Variants in SH2B2 observed in about 807,000 individuals in gnomAD.
The protein encoded by SH2B2 is SH2B adapter protein 2.
Under a neutral mutation model 35.7 loss-of-function variants are expected in SH2B2, and 37 were observed. The ratio of observed to expected loss-of-function variants is 1.04; its 90% confidence interval spans 0.80 to 1.36. The LOEUF (loss-of-function observed/expected upper bound fraction) is 1.36. SH2B2 is among the 40% of genes most tolerant of loss of function. The pLI is 0.00. For missense variants in SH2B2, 852 were observed against 817.7 expected (o/e 1.04, Z -0.51); for synonymous variants, 383 against 376.4 (o/e 1.02, Z -0.20).
intron 5 of SH2B2, 38 bp downstream of exon 5, chr7:102,314,465 A>G (rs1049480021): frequency 1.1e-4 from 43 of 398,736 alleles, no homozygotes; most frequent in Non-Finnish European, 1.8e-4. Flanking sequence ...GGGCACACTC[A>G]GGGTGGACAG....
intron 2 of SH2B2, among the ~76,000 whole-genome samples, chr7:102,304,199 C>T (rs183258143): frequency 6.6e-6 from 1 of 152,310 alleles, no homozygotes; most frequent in East Asian, 1.9e-4. Flanking sequence ...ACCCTTGGAG[C>T]AGTCAGGAGC....
rs1395131754 is a variant in SH2B2 at position 102,297,210 on chromosome 7, A to G, written c.-29-3312A>G. Among the ~76,000 whole-genome samples, 1 of 151,846 alleles carries G rather than the reference A, an allele frequency of 6.6e-6. No individual in the cohort carries two copies. Among genetic ancestry groups the G allele is most frequent in the East Asian group, 1.9e-4 (1 of 5,180 alleles). The stretch of plus-strand genomic sequence containing the variant: ...TTATCCCTTTGTCTGGCATATCCGC[A>G]CTCTGGATACGACCCGCTCGCCACT... On this transcript the variant is annotated intron_variant, in intron 1 of 8. Transcript: ENST00000444095. This position sits in a 1 kb window ranked among gnomAD's most constrained non-coding sequence, Gnocchi z 4.3.
Position 102,308,853 on chromosome 7 carries a change from C to G in SH2B2, c.870C>G (p.Asp290Glu). The change falls in exon 4 of 9, where the codon GAC (aspartate) becomes GAG (glutamate). Residue 290 changes from aspartate to glutamate, a missense_variant. Around this residue, in one of 3 missense-constraint regions of SH2B2, gnomAD observed 556 missense variants for 514.5 expected, o/e 1.08. Transcript: ENST00000444095. ...NGAEYILETI[D>E]SLQKHSWVAD... The stretch of plus-strand genomic sequence containing the variant: ...CCGAATACATCTTGGAGACCATCGA[C>G]TCTCTGCAGAAGCACTCGTGGGTAG... 6.2e-7 allele frequency: 1 copy of G among 1,613,746 alleles called. No homozygotes were observed. Among genetic ancestry groups the G allele is most frequent in the Non-Finnish European group, 8.5e-7 (1 of 1,179,876 alleles).
chr7:102,293,684 CT>C (rs1792789814), intron 1 of SH2B2, among the ~76,000 whole-genome samples: 1 of 151,834 alleles, frequency 6.6e-6, no homozygotes, highest in Non-Finnish European at 1.5e-5. Context: ...AGGCAACCCC[CT>C]ACCTGTCCCT....
intron 3 of SH2B2, among the ~76,000 whole-genome samples, chr7:102,308,502 C>T (rs953879742): frequency 2.0e-5 from 3 of 152,184 alleles, no homozygotes; most frequent in Non-Finnish European, 2.9e-5. Flanking sequence ...GCTGGGCCAC[C>T]CATCCCTCCC....
At chr7:102,301,895 A>G (rs782145582) in intron 2 of SH2B2, among the ~76,000 whole-genome samples, 2 of 151,334 alleles carry the variant, frequency 1.3e-5, no homozygotes, top group Non-Finnish European at 2.9e-5. Context: ...GTTTTGAGAC[A>G]GGGGCCGTCA....
chr7:102,287,979 G>C (rs781922330), intron 1 of SH2B2, among the ~76,000 whole-genome samples: 2 of 152,178 alleles, frequency 1.3e-5, no homozygotes, highest in African/African-American at 2.4e-5. Flanking sequence ...AGGCTAGGCT[G>C]TCAGACCTGG....
chr7:102,316,802 T>G (rs1258106140), intron 6 of SH2B2, among the ~76,000 whole-genome samples: 1 of 152,136 alleles, frequency 6.6e-6, no homozygotes, highest in African/African-American at 2.4e-5. Flanking sequence ...GTGGATCATC[T>G]GAGGTCAGGA....
In SH2B2 at chr7:102,301,265, T is replaced by C; in HGVS notation, c.715T>C (p.Phe239Leu). ...VAEERFRLEF[F>L]VPPKASRPKV... ...CGAGGAACGCTTCCGCCTGGAGTTC[T>C]TCGTGCCGCCCAAAGTGAGTTACCC... The change falls in exon 2 of 9, where the codon TTC (phenylalanine) becomes CTC (leucine). Residue 239 changes from phenylalanine to leucine, a missense_variant. Physicochemically the swap from Phe to Leu is conservative, Grantham distance 22 (BLOSUM62 0). Transcript: ENST00000444095. 1 of 1,604,364 alleles carries C rather than the reference T, an allele frequency of 6.2e-7. No homozygotes were observed.
rs554162592 is a variant in SH2B2 at position 102,292,185 on chromosome 7, T to A, written c.-30+5091T>A. 4.6e-5 allele frequency among the ~76,000 whole-genome samples: 7 copies of A among 152,142 alleles called. No individual in the cohort carries two copies. In the East Asian group the frequency reaches 1.4e-3, roughly 29 times the overall value. ...GGAGGTACCCCAAGAAGAGGCTGCATGAGACCAGCCTGGGCAACATAGTGA... is the reference window on the plus strand; with the variant it reads ...GGAGGTACCCCAAGAAGAGGCTGCAAGAGACCAGCCTGGGCAACATAGTGA... On this transcript the variant is annotated intron_variant, in intron 1 of 8. Transcript: ENST00000444095.
chr7:102,293,407 C>T (rs1201270934), intron 1 of SH2B2, among the ~76,000 whole-genome samples: 3 of 151,352 alleles, frequency 2.0e-5, no homozygotes, highest in African/African-American at 7.3e-5. Flanking sequence ...CTTCCCCTGC[C>T]CTCCTCGCTC....
chr7:102,286,221 GGGGCCGTCCCGCC>G (rs1382464835), upstream of SH2B2, among the ~76,000 whole-genome samples: 6 of 152,258 alleles, frequency 3.9e-5, no homozygotes, highest in African/African-American at 1.2e-4. Flanking sequence ...TGCGCTCAGG[GGGGCCGTCCCGCC>G]CTGTGGCCCG....
chr7:102,303,101 C>T (rs803089), intron 2 of SH2B2, among the ~76,000 whole-genome samples: 51,483 of 149,062 alleles, frequency 0.35, 8,878 homozygotes, highest in African/African-American at 0.39. Context: ...CCTGTAATCA[C>T]AGCTACTTGG....
At chr7:102,314,253 G>A in intron 4 of SH2B2, 83 bp from the exon 5 acceptor site, 1 of 398,388 alleles carries the variant, frequency 2.5e-6, no homozygotes, top group Non-Finnish European at 4.4e-6. Context: ...GGGACTGCCA[G>A]CCACTGCCTG....
chr7:102,320,527 G>A (rs1183223775), intron 8 of SH2B2, 25 bp downstream of exon 8: 1 of 1,608,050 alleles, frequency 6.2e-7, no homozygotes, highest in Non-Finnish European at 8.5e-7. Context: ...CCTGGCTGGT[G>A]TGATTACTCA....
chr7:102,288,472 G>T (rs992148990), intron 1 of SH2B2, among the ~76,000 whole-genome samples: 1 of 152,122 alleles, frequency 6.6e-6, no homozygotes, highest in African/African-American at 2.4e-5. Flanking sequence ...GATGCTGCTT[G>T]GTTGAATGCT....
chr7:102,303,530 G>A (rs1453726754), intron 2 of SH2B2, among the ~76,000 whole-genome samples: 1 of 152,178 alleles, frequency 6.6e-6, no homozygotes, highest in Non-Finnish European at 1.5e-5. Context: ...ATGGGCCCTG[G>A]AAAAGTGACT....
chr7:102,306,112 G>A (rs782789444), intron 2 of SH2B2, among the ~76,000 whole-genome samples: 4 of 151,786 alleles, frequency 2.6e-5, no homozygotes, highest in Non-Finnish European at 4.4e-5. Context: ...GTGAAACGGA[G>A]TTTCATTCTT....
intron 1 of SH2B2, among the ~76,000 whole-genome samples, chr7:102,299,974 G>A (rs920319770): frequency 2.0e-5 from 3 of 152,232 alleles, no homozygotes; most frequent in Non-Finnish European, 2.9e-5. Context: ...CGGGAGTGCA[G>A]TGGCGCAATC....
Sources: allele counts gnomAD v4.1 joint callset (sites outside exome capture counted in the v4.1 genomes callset), GRCh38; gene constraint gnomAD v4.1.1; regional missense constraint gnomAD v4.1.1; non-coding constraint Gnocchi (gnomAD v3.1); transcripts MANE v1.5; gene names NCBI Gene and HGNC (gene_info 2026-07-23, HGNC 2026-07-21).